Variants in GPC6 observed in about 807,000 individuals in gnomAD.
GPC6 encodes the protein glypican 6.
Under a neutral mutation model 55.2 loss-of-function variants are expected in GPC6, and 14 were observed. The observed-to-expected ratio is 0.25, with a 90% CI of 0.17 to 0.40. The LOEUF (loss-of-function observed/expected upper bound fraction) is 0.40, where lower values mean the gene tolerates loss of function less well. GPC6 is among the 10% of genes least tolerant of loss of function. The pLI, the probability that GPC6 is intolerant of heterozygous loss-of-function variation, is 1.00. For missense variants in GPC6, 641 were observed against 708.5 expected (o/e 0.90, Z 1.08); for synonymous variants, 278 against 259.6 (o/e 1.07, Z -0.68).
At chr13:93,278,746 G>T (rs1456665729) in intron 1 of GPC6, among the ~76,000 whole-genome samples, 3 of 152,130 alleles carry the variant, frequency 2.0e-5, no homozygotes, top group East Asian at 3.8e-4. Flanking sequence ...AGGATACAAA[G>T]TAGCAGATAT....
At chr13:93,436,662 T>A (rs986466996) in intron 1 of GPC6, among the ~76,000 whole-genome samples, 6 of 152,138 alleles carry the variant, frequency 3.9e-5, no homozygotes, top group Admixed American at 6.6e-5. Context: ...TATTGTGTAA[T>A]GAGCAGTTTA....
intron 3 of GPC6, among the ~76,000 whole-genome samples, chr13:94,007,646 T>C (rs1396372723): frequency 6.6e-6 from 1 of 152,136 alleles, no homozygotes; most frequent in East Asian, 1.9e-4. Context: ...GCAGTTTATT[T>C]TATTAAGTAA....
chr13:93,404,060 C>A (rs1378852528), intron 1 of GPC6, among the ~76,000 whole-genome samples: 1 of 152,046 alleles, frequency 6.6e-6, no homozygotes, highest in Non-Finnish European at 1.5e-5. Context: ...AGCTAAGAGA[C>A]AAAATTGTTT....
chr13:93,926,953 A>G (rs1007952810), intron 3 of GPC6, among the ~76,000 whole-genome samples: 15 of 152,166 alleles, frequency 9.9e-5, no homozygotes, highest in African/African-American at 3.1e-4. Context: ...CAGAGATTTC[A>G]CTGTTGACAA....
intron 3 of GPC6, among the ~76,000 whole-genome samples, chr13:94,021,131 C>A (rs1345896673): frequency 6.6e-6 from 1 of 151,928 alleles, no homozygotes; most frequent in Non-Finnish European, 1.5e-5. Context: ...AGAATGTATT[C>A]TAGCTGAATG....
chr13:94,209,555 A>T (rs927353054), intron 4 of GPC6, among the ~76,000 whole-genome samples: 4 of 152,172 alleles, frequency 2.6e-5, no homozygotes, highest in Non-Finnish European at 5.9e-5. Context: ...GATAAGAAAA[A>T]TTCACTGCGG....
intron 1 of GPC6, among the ~76,000 whole-genome samples, chr13:93,272,519 T>TATAA (rs1009350440): frequency 1.4e-5 from 2 of 144,710 alleles, no homozygotes; most frequent in Non-Finnish European, 3.0e-5. Context: ...TATATATATA[T>TATAA]AACTTAGAAA....
At chr13:94,060,065 GA>G (rs1325766181) in intron 4 of GPC6, among the ~76,000 whole-genome samples, 1 of 151,828 alleles carries the variant, frequency 6.6e-6, no homozygotes, top group Non-Finnish European at 1.5e-5. Context: ...TTATTATACA[GA>G]AAAAACAATT....
At chr13:93,374,405 T>C (rs1383843947) in intron 1 of GPC6, among the ~76,000 whole-genome samples, 1 of 152,168 alleles carries the variant, frequency 6.6e-6, no homozygotes, top group Non-Finnish European at 1.5e-5. Context: ...GGCAAGGTGA[T>C]GCACAGTTCT....
intron 4 of GPC6, among the ~76,000 whole-genome samples, chr13:94,163,777 G>A (rs1478763080): frequency 6.6e-6 from 1 of 152,160 alleles, no homozygotes; most frequent in African/African-American, 2.4e-5. Flanking sequence ...CCTTGGAAAG[G>A]CATTGCATAA....
At chr13:93,517,062 T>C (rs1200732653) in intron 1 of GPC6, among the ~76,000 whole-genome samples, 2 of 117,532 alleles carry the variant, frequency 1.7e-5, no homozygotes, top group Non-Finnish European at 3.6e-5. Context: ...AACTCACTTG[T>C]TATTTTTAGA....
intron 1 of GPC6, among the ~76,000 whole-genome samples, chr13:93,459,885 G>GTA (rs1878616642): frequency 6.6e-6 from 1 of 152,180 alleles, no homozygotes; most frequent in South Asian, 2.1e-4. Context: ...GTGGCATGTG[G>GTA]TATCTAAAAT....
chr13:93,671,910 T>G (rs1881374714), intron 2 of GPC6, among the ~76,000 whole-genome samples: 2 of 152,062 alleles, frequency 1.3e-5, no homozygotes, highest in African/African-American at 4.8e-5. Flanking sequence ...TTCAGGCCAG[T>G]GCGGGGACAC....
intron 3 of GPC6, among the ~76,000 whole-genome samples, chr13:93,883,336 C>G (rs1050766983): frequency 6.6e-6 from 1 of 152,000 alleles, no homozygotes; most frequent in Non-Finnish European, 1.5e-5. Context: ...CAGAATGGCT[C>G]TATTAATTTG....
chr13:94,089,134 C>A (rs776002970), intron 4 of GPC6, among the ~76,000 whole-genome samples: 1 of 152,100 alleles, frequency 6.6e-6, no homozygotes, highest in Non-Finnish European at 1.5e-5. Flanking sequence ...TGATTAAAAG[C>A]CCTTTGTACA....
At chr13:93,650,300 A>G (rs1880352540) in intron 2 of GPC6, among the ~76,000 whole-genome samples, 1 of 152,180 alleles carries the variant, frequency 6.6e-6, no homozygotes, top group East Asian at 1.9e-4. Flanking sequence ...TTCCAAAATT[A>G]AAGACCCTTA....
In GPC6 at chr13:93,804,868, C is replaced by T. The variant is rs538311512; in HGVS notation, c.320-25286C>T. Among the ~76,000 whole-genome samples the T allele has an allele frequency of 7.0e-4, 106 of 152,242 alleles. 1 individual carries two copies. The highest frequency in any genetic ancestry group is 2.0e-3 in the African/African-American group (82 of 41,562). ...CATCACTTAAAACTCCCTGAGTCTC[C>T]GTGAACTAGAGAACAGAAAGGGTCA... is the stretch of plus-strand genomic sequence containing the variant. On this transcript the variant is annotated intron_variant, in intron 2 of 8. Coordinates refer to ENST00000377047, the MANE Select transcript of GPC6 (RefSeq NM_005708.5).
intron 2 of GPC6, among the ~76,000 whole-genome samples, chr13:93,749,134 T>C (rs1884496435): frequency 6.6e-6 from 1 of 152,040 alleles, no homozygotes; most frequent in African/African-American, 2.4e-5. Flanking sequence ...TGGATCCCAT[T>C]TTCCATTCTT....
At chr13:93,639,827 G>A (rs956281445) in intron 2 of GPC6, among the ~76,000 whole-genome samples, 2 of 152,064 alleles carry the variant, frequency 1.3e-5, no homozygotes, top group Non-Finnish European at 2.9e-5. Flanking sequence ...AATCTGGAAT[G>A]GGAAAAATTT....
Sources: allele counts gnomAD v4.1 joint callset (sites outside exome capture counted in the v4.1 genomes callset), GRCh38; gene constraint gnomAD v4.1.1; transcripts MANE v1.5; gene names NCBI Gene and HGNC (gene_info 2026-07-23, HGNC 2026-07-21).